ICE2: variants seen among roughly 807,000 people sequenced by gnomAD.
ICE2 encodes little elongation complex subunit 2.
ICE2 carries 87 observed loss-of-function variants against 105.4 expected under a neutral mutation model. The ratio of observed to expected loss-of-function variants is 0.83; its 90% CI spans 0.69 to 0.99. The LOEUF is 0.99. ICE2 is among the 50% of genes least tolerant of loss of function. The probability of loss-of-function intolerance (pLI) is 0.00; values close to 1 mark genes in which losing one functional copy is unlikely to be tolerated. For missense variants in ICE2, 1,323 were observed against 1,146.7 expected (o/e 1.15, Z -2.22); for synonymous variants, 399 against 392.0 (o/e 1.02, Z -0.21).
chr15:60,439,697 T>G (rs1235326494), intron 12 of ICE2: 1 of 152,228 alleles, frequency 6.6e-6, no homozygotes, highest in African/African-American at 2.4e-5. Context: ...ACATCTTTTC[T>G]ATGCCATGGT....
chr15:60,469,983 T>G (rs2064543359), intron 3 of ICE2, among the ~76,000 whole-genome samples: 2 of 152,204 alleles, frequency 1.3e-5, no homozygotes, highest in Non-Finnish European at 2.9e-5. Context: ...CACTATAACT[T>G]CCACCACAGT....
chr15:60,463,218 T>C (rs564473622), intron 5 of ICE2, among the ~76,000 whole-genome samples: 2 of 152,334 alleles, frequency 1.3e-5, no homozygotes, highest in East Asian at 1.9e-4. Flanking sequence ...GAAGCATCTG[T>C]ATATCGAACA....
Position 60,423,644 on chromosome 15 carries a change from T to C in ICE2, c.2939A>G (p.Lys980Arg), listed in dbSNP as rs1223845866. Reference protein sequence around the residue: ...ETEGVAPHKRKIT With the variant: ...ETEGVAPHKRRIT Reference sequence around the variant, plus strand: ...TCCATGGTACAGTCCTCAAGTTATTTTTCTTTTATGTGGAGCCACTCCTTC... The same window carrying C: ...TCCATGGTACAGTCCTCAAGTTATTCTTCTTTTATGTGGAGCCACTCCTTC... Residue 980 changes from lysine (K) to arginine (R), a missense_variant, in exon 16 of 16, where the codon AAA becomes AGA. Transcript: ENST00000261520. 6.2e-7 allele frequency: 1 copy of C among 1,608,496 alleles called. No individual in the cohort carries two copies.
chr15:60,479,031 G>A lies in ICE2; in HGVS notation c.-121C>T, dbSNP rs1051362680. The A allele has an allele frequency of 4.4e-6, 2 of 455,840 alleles. No homozygotes were observed. The highest frequency in any genetic ancestry group is 4.0e-5 in the African/African-American group (2 of 50,052). 28.2% of individuals were successfully genotyped at this position (455,840 alleles called of 1,614,324 possible). On this transcript the variant is annotated 5_prime_UTR_variant, in exon 1 of 16. Transcript: ENST00000261520. ...ATGGTCCGCGGCGGCTCTTGCCCAG[G>A]CCGCAGCCACACACCACACACGCTC...
chr15:60,462,629 A>T (rs576898714), intron 5 of ICE2, among the ~76,000 whole-genome samples: 2 of 152,326 alleles, frequency 1.3e-5, no homozygotes, highest in South Asian at 2.1e-4. Flanking sequence ...GGAATATACA[A>T]AGAAATCTTA....
At chr15:60,470,250 C>T (rs2064552613) in intron 3 of ICE2, among the ~76,000 whole-genome samples, 1 of 152,128 alleles carries the variant, frequency 6.6e-6, no homozygotes, top group Admixed American at 6.5e-5. Flanking sequence ...TACATCAACA[C>T]AATGGGACTA....
intron 12 of ICE2, chr15:60,440,460 T>A (rs923628718): frequency 2.6e-5 from 4 of 152,094 alleles, no homozygotes; most frequent in Non-Finnish European, 5.9e-5. Flanking sequence ...GTACTGCAAC[T>A]AGGGAAAGTG....
At chr15:60,450,905 C>T (rs1298738127) in intron 9 of ICE2, among the ~76,000 whole-genome samples, 3 of 152,132 alleles carry the variant, frequency 2.0e-5, no homozygotes, top group Non-Finnish European at 4.4e-5. Context: ...TATAATTAAA[C>T]TATATGCTGC....
chr15:60,477,841 C>T, intron 2 of ICE2, 96 bp downstream of exon 2: 2 of 1,100,360 alleles, frequency 1.8e-6, no homozygotes. Flanking sequence ...TTTCTGTTTC[C>T]TCCAAATCTC....
intron 3 of ICE2, among the ~76,000 whole-genome samples, chr15:60,473,204 A>G (rs906287240): frequency 5.3e-5 from 8 of 151,926 alleles, no homozygotes; most frequent in Admixed American, 5.2e-4. Flanking sequence ...CTAGCCTCCC[A>G]AAGTATTGTT....
Position 60,476,021 on chromosome 15 carries a change from G to T in ICE2, c.146+42C>A. On this transcript the variant is annotated intron_variant, in intron 3 of 15. Transcript: ENST00000261520. ...ATAAAACTTCAACTATCAGAAAAAC[G>T]ACCATCAAATATGGAAATAAATAAC... 3.9e-6 allele frequency: 5 copies of T among 1,285,386 alleles called. No individual in the cohort carries two copies. The South Asian group carries it at 5.6e-5, about 14-fold the overall frequency. The allele number at this position is 1,285,386 out of a possible 1,614,324, so 79.6% of individuals were successfully genotyped here. A position where few individuals can be genotyped will look rare whatever the true frequency, so the allele number is the denominator to read the frequency against.
Position 60,455,342 on chromosome 15 carries a change from G to A in ICE2, c.767C>T (p.Ala256Val). 1 of 1,612,622 alleles carries A rather than the reference G, an allele frequency of 6.2e-7. No homozygotes were observed. The highest frequency in any genetic ancestry group is 8.5e-7 in the Non-Finnish European group (1 of 1,178,852). The part of the protein sequence containing the change: ...IATIETSEQT[A>V]EAMHYDISKD... Reference sequence around the variant, plus strand: ...GGTACTTACATAATGCATAGCTTCAGCTGTTTGTTCTGACGTTTCAATGGT... The same window carrying A: ...GGTACTTACATAATGCATAGCTTCAACTGTTTGTTCTGACGTTTCAATGGT... The change falls in exon 7 of 16, where the codon GCT becomes GTT. Residue 256 changes from alanine to valine, a missense_variant. Physicochemically the swap from Ala to Val is moderately conservative, Grantham distance 64. Coordinates refer to ENST00000261520, the MANE Select transcript of ICE2 (RefSeq NM_024611.6).
At chr15:60,448,749 T>G in intron 10 of ICE2, 99 bp downstream of exon 10, 1 of 1,037,022 alleles carries the variant, frequency 9.6e-7, no homozygotes, top group Admixed American at 2.8e-5. Context: ...TATATGACAA[T>G]TACAAAACAG....
chr15:60,435,644 C>T (rs11071531), intron 13 of ICE2, among the ~76,000 whole-genome samples: 78,756 of 150,926 alleles, frequency 0.52, 22,497 homozygotes, highest in East Asian at 0.84. Context: ...TACGTATAAC[C>T]GTCATCTACC....
intron 5 of ICE2, among the ~76,000 whole-genome samples, chr15:60,463,921 C>A (rs2064349144): frequency 6.6e-6 from 1 of 152,180 alleles, no homozygotes. Flanking sequence ...ATTTATTATA[C>A]AAGAGGACTA....
At chr15:60,426,274 G>C (rs1038009235) in intron 15 of ICE2, among the ~76,000 whole-genome samples, 2 of 152,136 alleles carry the variant, frequency 1.3e-5, no homozygotes, top group Non-Finnish European at 2.9e-5. Flanking sequence ...CAACATAACA[G>C]TGCAATGTAT....
At chr15:60,451,635 A>T (rs2063968138) in intron 9 of ICE2, 1 of 984,374 alleles carries the variant, frequency 1.0e-6, no homozygotes, top group African/African-American at 1.7e-5. Context: ...CAATCCAGAA[A>T]AAGCATTTTA....
chr15:60,450,613 C>T (rs1450256449), intron 9 of ICE2, among the ~76,000 whole-genome samples: 1 of 152,138 alleles, frequency 6.6e-6, no homozygotes, highest in East Asian at 1.9e-4. Context: ...CATCCACTAG[C>T]CTTACAGTTG....
At chr15:60,468,406 G>A (rs1595816708) in intron 3 of ICE2, 84 bp from the exon 4 acceptor site, 1 of 1,048,266 alleles carries the variant, frequency 9.5e-7, no homozygotes, top group East Asian at 2.4e-5. Context: ...CAATCACCAG[G>A]GAGAATATAG....
Sources: gnomAD v4.1 joint callset for allele counts (sites outside exome capture counted in the v4.1 genomes callset) on GRCh38, gnomAD v4.1.1 for gene constraint, MANE v1.5 for transcripts, NCBI Gene and HGNC (gene_info 2026-07-23, HGNC 2026-07-21) for gene names.